CEP63: variants seen among roughly 807,000 people sequenced by gnomAD.
CEP63 encodes centrosomal protein of 63 kDa.
Under a neutral mutation model 89.1 loss-of-function variants are expected in CEP63, and 84 were observed. That is an observed-to-expected ratio of 0.94 (90% confidence interval 0.79 to 1.13). CEP63 has a LOEUF of 1.13. Ranked by LOEUF, CEP63 falls within the 50% of genes most tolerant of loss-of-function variation. The probability of loss-of-function intolerance (pLI) is 0.00; values close to 1 mark genes in which losing one functional copy is unlikely to be tolerated. For missense variants in CEP63, 838 were observed against 813.3 expected (o/e 1.03, Z -0.37); for synonymous variants, 267 against 272.5 (o/e 0.98, Z 0.20).
intron 3 of CEP63, among the ~76,000 whole-genome samples, chr3:134,522,340 G>T (rs1947639182): frequency 2.0e-5 from 3 of 152,178 alleles, no homozygotes; most frequent in Non-Finnish European, 4.4e-5. Flanking sequence ...CACAGGGTCA[G>T]ACTGGCAAAG....
the CEP63 span, among the ~76,000 whole-genome samples, chr3:134,707,800 A>G: frequency 7.2e-6 from 1 of 138,062 alleles, no homozygotes; most frequent in East Asian, 2.1e-4. Context: ...ACTGGAATTG[A>G]TGGATGATCA....
intron 9 of CEP63, 93 bp from the exon 10 acceptor site, chr3:134,548,969 A>G: frequency 2.6e-6 from 2 of 761,532 alleles, no homozygotes; most frequent in Admixed American, 1.9e-5. Context: ...TTGGCTGGAT[A>G]TTTTTTGGAT....
intron 12 of CEP63, among the ~76,000 whole-genome samples, chr3:134,557,335 T>C (rs1956370309): frequency 6.7e-6 from 1 of 148,780 alleles, no homozygotes; most frequent in Admixed American, 6.8e-5. Flanking sequence ...AGGAAAATTA[T>C]GTTTGTCAGA....
chr3:134,670,257 T>C, the CEP63 span, among the ~76,000 whole-genome samples: 1 of 151,962 alleles, frequency 6.6e-6, no homozygotes, highest in Non-Finnish European at 1.5e-5. Context: ...TTACAAGCTA[T>C]TTGCCTCCAA....
At chr3:134,655,046 T>C in the CEP63 span, among the ~76,000 whole-genome samples, 1 of 152,212 alleles carries the variant, frequency 6.6e-6, no homozygotes. Flanking sequence ...TAGTGAACAA[T>C]GTACTTAACC....
chr3:134,627,967 T>C, the CEP63 span: 3 of 642,978 alleles, frequency 4.7e-6, no homozygotes, highest in Non-Finnish European at 8.3e-6. Context: ...CACTGACCAC[T>C]GAATTGCTGC....
chr3:134,569,068 G>C (rs544686809), downstream of CEP63, among the ~76,000 whole-genome samples: 1 of 152,266 alleles, frequency 6.6e-6, no homozygotes, highest in African/African-American at 2.4e-5. Flanking sequence ...ACCATCACGA[G>C]AACAGCGTGA....
Position 134,486,528 on chromosome 3 carries a change from T to A in CEP63, c.-26+326T>A, listed in dbSNP as rs1357413167. ...GGTCAGCCCTTCCTCGGAGTCCAGG[T>A]GGCTGGGGGCGCTTCGGAGAGTGGC... On this transcript the variant is annotated intron_variant, in intron 1 of 14. Coordinates refer to ENST00000675561, the MANE Select transcript of CEP63 (RefSeq NM_001353108.3). 4.1e-6 allele frequency: 4 copies of A among 985,656 alleles called. No homozygotes were observed. In the African/African-American group the frequency reaches 7.0e-5, roughly 17 times the overall value. 61.1% of individuals were successfully genotyped at this position (985,656 alleles called of 1,614,324 possible).
chr3:134,714,272 A>G, the CEP63 span, among the ~76,000 whole-genome samples: 1 of 152,208 alleles, frequency 6.6e-6, no homozygotes, highest in African/African-American at 2.4e-5. Context: ...CTCTGAGGGA[A>G]AATCATTTGA....
the CEP63 span, among the ~76,000 whole-genome samples, chr3:134,676,211 C>G: frequency 6.6e-6 from 1 of 152,136 alleles, no homozygotes; most frequent in East Asian, 1.9e-4. Flanking sequence ...AATAAACAAG[C>G]TATGGTATAC....
the CEP63 span, chr3:134,600,776 A>C: frequency 6.6e-6 from 1 of 152,332 alleles, no homozygotes; most frequent in East Asian, 1.9e-4. Flanking sequence ...ATTTCCAGGC[A>C]AAACAGTCCC....
chr3:134,567,211 C>A (rs1957806760), downstream of CEP63, among the ~76,000 whole-genome samples: 2 of 143,728 alleles, frequency 1.4e-5, no homozygotes. Flanking sequence ...CCAGAATTGA[C>A]AAATCTGTAG....
intron 13 of CEP63, 93 bp downstream of exon 13, chr3:134,558,440 C>G (rs1331719619): frequency 1.1e-6 from 1 of 916,590 alleles, no homozygotes; most frequent in Non-Finnish European, 1.7e-6. Flanking sequence ...GAAATTAAAT[C>G]TTCATCAAAG....
chr3:134,495,565 A>AT (rs2108052853), intron 2 of CEP63, among the ~76,000 whole-genome samples: 1 of 152,196 alleles, frequency 6.6e-6, no homozygotes, highest in Non-Finnish European at 1.5e-5. Context: ...TATATAGTAA[A>AT]TTTTTAAAGT....
At chr3:134,759,090 G>A in the CEP63 span, among the ~76,000 whole-genome samples, 1 of 152,174 alleles carries the variant, frequency 6.6e-6, no homozygotes, top group East Asian at 1.9e-4. Context: ...AGAGGGCAAG[G>A]AAACAGATTC....
At chr3:134,539,310 T>C (rs1951513457) in intron 6 of CEP63, among the ~76,000 whole-genome samples, 3 of 152,200 alleles carry the variant, frequency 2.0e-5, no homozygotes, top group African/African-American at 7.2e-5. Flanking sequence ...GTTAACTATA[T>C]GTACACTGTT....
At chr3:134,542,635 C>G (rs1952284279) in intron 6 of CEP63, among the ~76,000 whole-genome samples, 2 of 152,190 alleles carry the variant, frequency 1.3e-5, no homozygotes, top group Non-Finnish European at 2.9e-5. Context: ...ATCTCACTCT[C>G]TGGGAGAGTC....
chr3:134,592,787 C>T (rs534801737), downstream of CEP63, among the ~76,000 whole-genome samples: 5 of 152,130 alleles, frequency 3.3e-5, no homozygotes, highest in South Asian at 6.2e-4. Context: ...TATTAATTTT[C>T]TTCATGTGGT....
At chr3:134,505,367 C>T (rs1286619480) in intron 2 of CEP63, among the ~76,000 whole-genome samples, 1 of 151,974 alleles carries the variant, frequency 6.6e-6, no homozygotes, top group Non-Finnish European at 1.5e-5. Context: ...TATGATTTTT[C>T]CAGCCATAAT....
Sources: allele counts gnomAD v4.1 joint callset (sites outside exome capture counted in the v4.1 genomes callset), GRCh38; gene constraint gnomAD v4.1.1; transcripts MANE v1.5; gene names NCBI Gene and HGNC (gene_info 2026-07-23, HGNC 2026-07-21).